The following MTFMT variants were observed in gnomAD, a reference collection of about 807,000 sequenced individuals.
The protein encoded by MTFMT is mitochondrial methionyl-tRNA formyltransferase.
Under a neutral mutation model 51.8 loss-of-function variants are expected in MTFMT, and 47 were observed. The ratio of observed to expected loss-of-function variants is 0.91; its 90% CI spans 0.72 to 1.16. MTFMT has a LOEUF of 1.16. Among genes scored for constraint, MTFMT ranks in the 50% most tolerant of loss-of-function variants. MTFMT has a pLI of 0.00. For missense variants in MTFMT, 512 were observed against 482.3 expected, an observed-to-expected ratio of 1.06 and a Z score of -0.58; for synonymous variants, 196 against 176.7, an observed-to-expected ratio of 1.11 and a Z score of -0.87.
chr15:65,018,167 A>T (rs1016356628), intron 5 of MTFMT, among the ~76,000 whole-genome samples: 9 of 139,262 alleles, frequency 6.5e-5, no homozygotes, highest in African/African-American at 2.3e-4. Context: ...TCCCTAAAAT[A>T]AAAAAAAAAA....
At position 65,020,350 on chromosome 15, in the gene MTFMT, A is replaced by G. The variant is rs2086363508; in HGVS notation, c.646-78T>C. On this transcript the variant is annotated intron_variant, in intron 4 of 8. Coordinates refer to ENST00000220058, the MANE Select transcript of MTFMT (RefSeq NM_139242.4). ...AAGCAGAAACACATTACAATTCAGC[A>G]CCATGAAATAACCTATAACTTTTTT... The G allele has an allele frequency of 3.4e-6, 4 of 1,179,504 alleles. No individual in the cohort carries two copies. The Middle Eastern group carries it at 7.9e-4, about 234-fold the overall frequency. 73.1% of individuals were successfully genotyped at this position (1,179,504 alleles called of 1,614,324 possible).
chr15:65,003,845 C>CAAAAAAAAAAAAAAA (rs768884218), intron 8 of MTFMT, among the ~76,000 whole-genome samples: 565 of 40,582 alleles, frequency 0.014, 64 homozygotes, highest in South Asian at 0.022. Context: ...AACTCCATCT[C>CAAAAAAAAAAAAAAA]AAAAAAAAAA....
chr15:65,029,373 C>G (rs1446945969), intron 1 of MTFMT, 32 bp downstream of exon 1: 3 of 1,425,274 alleles, frequency 2.1e-6, no homozygotes, highest in Admixed American at 2.8e-5. Flanking sequence ...AGGCCTTCAG[C>G]GGCCGGGTCC....
intron 6 of MTFMT, among the ~76,000 whole-genome samples, chr15:65,014,264 G>T (rs1483443789): frequency 1.3e-5 from 2 of 150,382 alleles, no homozygotes; most frequent in East Asian, 3.9e-4. Context: ...ATAACCTCCA[G>T]TTATTCTATC....
chr15:65,007,845 C>T (rs2086231622), intron 6 of MTFMT, among the ~76,000 whole-genome samples: 1 of 152,252 alleles, frequency 6.6e-6, no homozygotes, highest in South Asian at 2.1e-4. Context: ...AGCCTTTTAA[C>T]TCTTACATGT....
chr15:65,021,307 A>G (rs2086372508), intron 4 of MTFMT, among the ~76,000 whole-genome samples: 1 of 152,260 alleles, frequency 6.6e-6, no homozygotes, highest in Non-Finnish European at 1.5e-5. Context: ...TTCACTTGAA[A>G]GCCTTTATTC....
At chr15:65,024,161 T>C (rs2946659) in intron 2 of MTFMT, among the ~76,000 whole-genome samples, 64,934 of 151,548 alleles carry the variant, frequency 0.43, 14,161 homozygotes, top group East Asian at 0.68. Flanking sequence ...ACCCCATCTC[T>C]ACTAAAAAGA....
At chr15:65,023,579 G>C (rs2086393756) in intron 3 of MTFMT, 93 bp downstream of exon 3, 1 of 1,236,316 alleles carries the variant, frequency 8.1e-7, no homozygotes, top group Non-Finnish European at 1.2e-6. Context: ...ACAGAAATTA[G>C]TGAGCACCAC....
intron 5 of MTFMT, 45 bp from the exon 6 acceptor site, chr15:65,016,572 T>C: frequency 7.7e-7 from 1 of 1,304,542 alleles, no homozygotes; most frequent in Non-Finnish European, 1.1e-6. Context: ...AGGGTCAGTG[T>C]CCATGAATTG....
intron 2 of MTFMT, among the ~76,000 whole-genome samples, chr15:65,025,677 A>G (rs898385293): frequency 1.5e-4 from 23 of 152,216 alleles, no homozygotes; most frequent in African/African-American, 5.5e-4. Flanking sequence ...ATGATGGAGT[A>G]GCCATTTATT....
Position 65,020,239 on chromosome 15 carries a change from G to C in MTFMT, c.679C>G (p.Leu227Val). ...ISVLKNLPES[L>V]SNGRQQPMEG... ...ATTGGCTGCTGCCTTCCATTGCTCA[G>C]ACTTTCAGGCAAATTTTTCAAAACT... Residue 227 changes from leucine (L) to valine (V), a missense_variant, in exon 5 of 9, where the codon CTG becomes GTG. Physicochemically the swap from Leu to Val is conservative, Grantham distance 32 (BLOSUM62 1). Coordinates refer to ENST00000220058, the MANE Select transcript of MTFMT (RefSeq NM_139242.4). The C allele has an allele frequency of 6.2e-7, 1 of 1,604,724 alleles. No homozygotes were observed. The highest frequency in any genetic ancestry group is 8.5e-7 in the Non-Finnish European group (1 of 1,177,854).
At chr15:65,009,170 C>G (rs886354119) in intron 6 of MTFMT, among the ~76,000 whole-genome samples, 9 of 152,164 alleles carry the variant, frequency 5.9e-5, no homozygotes, top group African/African-American at 2.2e-4. Context: ...ACTCTAGGAA[C>G]CAAACCCCAC....
intron 3 of MTFMT, among the ~76,000 whole-genome samples, chr15:65,023,306 A>G (rs2086391502): frequency 6.6e-6 from 1 of 152,196 alleles, no homozygotes; most frequent in African/African-American, 2.4e-5. Context: ...TCAGGTTCCA[A>G]AAATTTTTTG....
rs34767438 is a variant in MTFMT, at chr15:65,011,432, G to GA, written c.813+5003_813+5004insT. ...TAAGAATTCTTTACTCTGGATATTAGGCCCTTATCAGTTATATGATTTGCA... is the reference window on the plus strand; with the variant it reads ...TAAGAATTCTTTACTCTGGATATTAGAGCCCTTATCAGTTATATGATTTGCA... On this transcript the variant is annotated intron_variant, in intron 6 of 8. Coordinates refer to ENST00000220058, the MANE Select transcript of MTFMT (RefSeq NM_139242.4). Among the ~76,000 whole-genome samples, 308 of 150,062 alleles carry GA rather than the reference G, an allele frequency of 2.1e-3. 1 individual carries two copies. Among genetic ancestry groups the GA allele is most frequent in the African/African-American group, 7.3e-3 (298 of 40,790 alleles).
intron 8 of MTFMT, among the ~76,000 whole-genome samples, chr15:65,003,844 T>TTAAAAA (rs1566938559): frequency 6.3e-3 from 28 of 4,460 alleles, no homozygotes; most frequent in African/African-American, 0.01. Context: ...CAACTCCATC[T>TTAAAAA]CAAAAAAAAA....
chr15:65,010,460 C>T (rs1034509876), intron 6 of MTFMT, among the ~76,000 whole-genome samples: 5 of 152,138 alleles, frequency 3.3e-5, no homozygotes, highest in Admixed American at 3.3e-4. Flanking sequence ...GGAATAATAA[C>T]ATATGTAGTC....
chr15:65,020,982 C>T (rs892866244), intron 4 of MTFMT, among the ~76,000 whole-genome samples: 3 of 152,138 alleles, frequency 2.0e-5, no homozygotes, highest in African/African-American at 4.8e-5. Flanking sequence ...AAAATTAACC[C>T]GTTCATATGG....
At chr15:65,012,543 G>A (rs916927714) in intron 6 of MTFMT, among the ~76,000 whole-genome samples, 2 of 151,986 alleles carry the variant, frequency 1.3e-5, no homozygotes, top group Non-Finnish European at 2.9e-5. Flanking sequence ...CTACAAGCGT[G>A]CACCACCATA....
At chr15:65,006,770 C>A (rs2140474724) in intron 6 of MTFMT, among the ~76,000 whole-genome samples, 1 of 152,188 alleles carries the variant, frequency 6.6e-6, no homozygotes, top group East Asian at 1.9e-4. Context: ...ATAAAAAATG[C>A]AAGCATTACA....
Sources: gnomAD v4.1 joint callset for allele counts (sites outside exome capture counted in the v4.1 genomes callset) on GRCh38, gnomAD v4.1.1 for gene constraint, MANE v1.5 for transcripts, NCBI Gene and HGNC (gene_info 2026-07-23, HGNC 2026-07-21) for gene names.